The following STPG2 variants were observed in gnomAD, a reference collection of about 807,000 sequenced individuals.
The protein encoded by STPG2 is sperm tail PG-rich repeat containing 2.
STPG2 carries 56 observed loss-of-function variants against 54.2 expected under a neutral mutation model. The observed-to-expected ratio is 1.03, with a 90% CI of 0.83 to 1.29. The LOEUF is 1.29. Among genes scored for constraint, STPG2 ranks in the 50% most tolerant of loss-of-function variants. The pLI is 0.00. For missense variants in STPG2, 596 were observed against 544.9 expected (o/e 1.09, Z -0.93); for synonymous variants, 200 against 181.8 (o/e 1.10, Z -0.81).
intron 10 of STPG2, among the ~76,000 whole-genome samples, chr4:97,649,850 C>T (rs762721161): frequency 2.0e-5 from 3 of 151,934 alleles, no homozygotes; most frequent in Admixed American, 6.6e-5. Context: ...CAGGATGATT[C>T]GAGCACATTA....
intron 8 of STPG2, among the ~76,000 whole-genome samples, chr4:97,898,021 T>C (rs2149182367): frequency 6.6e-6 from 1 of 152,106 alleles, no homozygotes; most frequent in East Asian, 1.9e-4. Context: ...GTCTTCAAGG[T>C]TTTTTATAGT....
rs184049140 is a variant in STPG2 at position 97,936,481 on chromosome 4, T to G, written c.1044+7416A>C. On this transcript the variant is annotated intron_variant, in intron 8 of 10. Coordinates refer to ENST00000295268, the MANE Select transcript of STPG2 (RefSeq NM_174952.3). Reference sequence around the variant, plus strand: ...CGGTTTCTTCATTGTTTCATTGGTCTTTGTGCTTTAATGTGTTTTTAGAGT... The same window carrying G: ...CGGTTTCTTCATTGTTTCATTGGTCGTTGTGCTTTAATGTGTTTTTAGAGT... 1.1e-4 allele frequency among the ~76,000 whole-genome samples: 17 copies of G among 152,322 alleles called. No homozygotes were observed. In the East Asian group the frequency reaches 1.9e-3, roughly 17 times the overall value.
intron 5 of STPG2, among the ~76,000 whole-genome samples, chr4:98,008,491 A>C (rs1735640758): frequency 6.6e-6 from 1 of 151,322 alleles, no homozygotes; most frequent in Non-Finnish European, 1.5e-5. Flanking sequence ...CCATCATAAA[A>C]ACAAACAGAA....
intron 4 of STPG2, among the ~76,000 whole-genome samples, chr4:97,469,168 C>T (rs1185109747): frequency 1.3e-5 from 2 of 152,038 alleles, no homozygotes; most frequent in African/African-American, 2.4e-5. Flanking sequence ...TCAGGTAGTG[C>T]TATTAAAATC....
At chr4:97,937,909 G>A (rs995483823) in intron 8 of STPG2, among the ~76,000 whole-genome samples, 3 of 152,182 alleles carry the variant, frequency 2.0e-5, no homozygotes, top group East Asian at 1.9e-4. Context: ...TTTGGCTGTC[G>A]CTTGGTTGAG....
chr4:97,537,986 G>C (rs1380422440), intron 4 of STPG2, among the ~76,000 whole-genome samples: 2 of 152,196 alleles, frequency 1.3e-5, no homozygotes, highest in Non-Finnish European at 2.9e-5. Flanking sequence ...TGAGGATCCT[G>C]ACTATTAAAA....
chr4:97,647,250 A>C (rs1290415979), intron 10 of STPG2, among the ~76,000 whole-genome samples: 8 of 152,122 alleles, frequency 5.3e-5, no homozygotes, highest in Non-Finnish European at 1.2e-4. Context: ...ATAAATAAGC[A>C]CTCAAATGCT....
At chr4:97,789,024 A>G (rs1336846566) in intron 9 of STPG2, among the ~76,000 whole-genome samples, 1 of 151,752 alleles carries the variant, frequency 6.6e-6, no homozygotes, top group African/African-American at 2.4e-5. Flanking sequence ...CTTTTCTAAT[A>G]CAAATGTTAA....
intron 8 of STPG2, among the ~76,000 whole-genome samples, chr4:97,925,393 T>G (rs950537196): frequency 1.3e-5 from 2 of 152,176 alleles, no homozygotes; most frequent in Admixed American, 6.5e-5. Flanking sequence ...AATAAAAAAT[T>G]TATAAAAAGT....
At chr4:97,835,111 G>A (rs1213818725) in intron 9 of STPG2, among the ~76,000 whole-genome samples, 1 of 152,012 alleles carries the variant, frequency 6.6e-6, no homozygotes, top group Non-Finnish European at 1.5e-5. Flanking sequence ...TAGATAGGAG[G>A]TCGACACAAG....
intron 10 of STPG2, among the ~76,000 whole-genome samples, chr4:97,646,623 T>C (rs1163337142): frequency 6.6e-6 from 1 of 152,144 alleles, no homozygotes; most frequent in African/African-American, 2.4e-5. Flanking sequence ...TTCCAAAAGC[T>C]TTGATGCTTT....
At chr4:97,516,387 G>A (rs1176881473) in intron 4 of STPG2, among the ~76,000 whole-genome samples, 1 of 152,128 alleles carries the variant, frequency 6.6e-6, no homozygotes, top group Non-Finnish European at 1.5e-5. Context: ...GTAATGCACA[G>A]TGTACCATAC....
intron 9 of STPG2, among the ~76,000 whole-genome samples, chr4:97,744,832 G>A (rs963836176): frequency 1.1e-4 from 17 of 151,326 alleles, no homozygotes; most frequent in African/African-American, 3.9e-4. Context: ...ACGGAAACCC[G>A]CAGAAAGTGA....
intron 10 of STPG2, among the ~76,000 whole-genome samples, chr4:97,594,744 G>T (rs901302612): frequency 2.6e-5 from 4 of 152,244 alleles, no homozygotes; most frequent in African/African-American, 4.8e-5. Context: ...TAAAGAGAAG[G>T]GGCAGGTCAC....
intron 4 of STPG2, among the ~76,000 whole-genome samples, chr4:97,542,601 T>C (rs940324770): frequency 2.0e-5 from 3 of 152,098 alleles, no homozygotes; most frequent in African/African-American, 2.4e-5. Flanking sequence ...ACCATTTGAC[T>C]CAGCCATCCC....
intron 9 of STPG2, among the ~76,000 whole-genome samples, chr4:97,750,428 C>T (rs1322481314): frequency 6.6e-6 from 1 of 151,602 alleles, no homozygotes; most frequent in African/African-American, 2.4e-5. Context: ...TGAGGAGTTT[C>T]AAATGATCTA....
At position 97,502,275 on chromosome 4, in the gene STPG2, C is replaced by T. The variant is rs1404535030; in HGVS notation, c.462+210424G>A. Among the ~76,000 whole-genome samples, 6 of 151,806 alleles carry T rather than the reference C, an allele frequency of 4.0e-5. No homozygotes were observed. The South Asian group carries it at 6.2e-4, about 16-fold the overall frequency. ...CACAAATCATAATTAAATTATTGTG[C>T]GTCCCTGATAAAAAAAAATACCTTA... On this transcript the variant is annotated intron_variant, in intron 4 of 4. Transcript: ENST00000522676.
At chr4:97,502,829 A>G (rs141962485) in intron 4 of STPG2, among the ~76,000 whole-genome samples, 302 of 152,154 alleles carry the variant, frequency 2.0e-3, no homozygotes, top group African/African-American at 7.1e-3. Flanking sequence ...TTAAATTGAA[A>G]CACACAGTTT....
At position 97,790,199 on chromosome 4, in the gene STPG2, T is replaced by G. The variant is rs888944704; in HGVS notation, c.1204+50574A>C. ...GAACAACGGCACATCTGGAGCAAAGTGCTCAGTGCATTATTTCCCTATCAT... is the reference window on the plus strand; with the variant it reads ...GAACAACGGCACATCTGGAGCAAAGGGCTCAGTGCATTATTTCCCTATCAT... On this transcript the variant is annotated intron_variant, in intron 9 of 10. Coordinates refer to ENST00000295268, the MANE Select transcript of STPG2 (RefSeq NM_174952.3). 2.0e-5 allele frequency among the ~76,000 whole-genome samples: 3 copies of G among 152,112 alleles called. No individual in the cohort carries two copies. In the East Asian group the frequency reaches 5.8e-4, roughly 29 times the overall value.
Sources: allele counts gnomAD v4.1 joint callset (sites outside exome capture counted in the v4.1 genomes callset), GRCh38; gene constraint gnomAD v4.1.1; transcripts MANE v1.5; gene names NCBI Gene and HGNC (gene_info 2026-07-23, HGNC 2026-07-21).